Variants in DNAH6 observed in about 807,000 individuals in gnomAD.
DNAH6 encodes the protein dynein axonemal heavy chain 6.
A neutral mutation model predicts 491.4 loss-of-function variants in DNAH6; 340 were observed. That is an observed-to-expected ratio of 0.69 (90% CI 0.63 to 0.76). The LOEUF is 0.76. Among genes scored for constraint, DNAH6 ranks in the 30% least tolerant of loss-of-function variants. The probability of loss-of-function intolerance (pLI) is 0.00; values close to 1 mark genes in which losing one functional copy is unlikely to be tolerated. For missense variants in DNAH6, 4,443 were observed against 4,972.2 expected (o/e 0.89, Z 3.20); for synonymous variants, 1,603 against 1,686.1 (o/e 0.95, Z 1.21).
rs1398572115 is a variant in DNAH6 at position 84,817,995 on chromosome 2, A to G, written c.12374-1310A>G. On this transcript the variant is annotated intron_variant, in intron 76 of 76. Transcript: ENST00000389394. ...CCAACATTGGGGATCAAATTTCAAC[A>G]TGAGATTTGGAGGGATCAAACATCC... Among the ~76,000 whole-genome samples the G allele has an allele frequency of 2.0e-5, 3 of 152,226 alleles. No individual in the cohort carries two copies. The East Asian group carries it at 5.8e-4, about 29-fold the overall frequency.
At chr2:84,499,483 A>G in the DNAH6 span, among the ~76,000 whole-genome samples, 1 of 152,228 alleles carries the variant, frequency 6.6e-6, no homozygotes, top group Non-Finnish European at 1.5e-5. Context: ...TATCTATTGT[A>G]AACAGTGCTG....
chr2:84,615,824 G>C (rs926939324), intron 22 of DNAH6, among the ~76,000 whole-genome samples: 1 of 151,848 alleles, frequency 6.6e-6, no homozygotes, highest in Non-Finnish European at 1.5e-5. Context: ...TGTAAAAGGG[G>C]TTGAGTTCTT....
At chr2:84,784,670 A>T in intron 65 of DNAH6, 52 bp from the exon 66 acceptor site, 1 of 1,111,698 alleles carries the variant, frequency 9.0e-7, no homozygotes, top group Non-Finnish European at 1.3e-6. Flanking sequence ...GAAAAGTGCT[A>T]CTACCAACTA....
rs79636466 is a variant in DNAH6 at position 84,686,359 on chromosome 2, A to C, written c.7064-125A>C. 0.013 allele frequency: 7,643 copies of C among 597,612 alleles called. 514 individuals carry two copies. In the African/African-American group the frequency reaches 0.13, roughly 10 times the overall value. 37.0% of individuals were successfully genotyped at this position (597,612 alleles called of 1,614,324 possible). Reference sequence around the variant, plus strand: ...CATGGAGTTAACACAGTATTCTCTCAGTTTTTATGTATATTAATTAAGTCT... The same window carrying C: ...CATGGAGTTAACACAGTATTCTCTCCGTTTTTATGTATATTAATTAAGTCT... On this transcript the variant is annotated intron_variant, in intron 43 of 76. Transcript: ENST00000389394.
chr2:84,716,516 A>G (rs1431727728), intron 58 of DNAH6, among the ~76,000 whole-genome samples: 1 of 152,124 alleles, frequency 6.6e-6, no homozygotes, highest in Non-Finnish European at 1.5e-5. Context: ...GTCACTAATG[A>G]GCTTAAGTCT....
At chr2:84,571,041 G>A (rs1264209986) in intron 11 of DNAH6, among the ~76,000 whole-genome samples, 1 of 152,160 alleles carries the variant, frequency 6.6e-6, no homozygotes, top group Non-Finnish European at 1.5e-5. Flanking sequence ...CCACCGGAAG[G>A]AACCAATTCT....
chr2:84,529,240 G>T, intron 4 of DNAH6, 74 bp downstream of exon 4: 2 of 1,093,014 alleles, frequency 1.8e-6, no homozygotes, highest in South Asian at 1.8e-5. Flanking sequence ...ATAATTGATT[G>T]GATATTAATA....
chr2:84,575,871 A>C (rs1682388248), intron 12 of DNAH6, among the ~76,000 whole-genome samples: 1 of 152,178 alleles, frequency 6.6e-6, no homozygotes, highest in African/African-American at 2.4e-5. Flanking sequence ...GCGACAGTGC[A>C]AGACTCCGTC....
chr2:84,644,133 G>GT (rs1219584712), intron 33 of DNAH6, among the ~76,000 whole-genome samples: 5 of 152,136 alleles, frequency 3.3e-5, no homozygotes, highest in Non-Finnish European at 7.4e-5. Context: ...GGCTTCATAA[G>GT]TGTTTCTCAG....
chr2:84,787,014 A>T (rs1238616782), intron 67 of DNAH6, 150 bp from the exon 68 acceptor site: 2 of 544,476 alleles, frequency 3.7e-6, no homozygotes, highest in Non-Finnish European at 6.2e-6. Context: ...GTTTGGTGAA[A>T]GCCTAGCTGA....
intron 22 of DNAH6, 84 bp from the exon 23 acceptor site, chr2:84,616,802 G>T: frequency 1.7e-6 from 1 of 595,734 alleles, no homozygotes; most frequent in African/African-American, 2.0e-5. Flanking sequence ...TTCATAAATT[G>T]ATTACATTTT....
chr2:84,662,501 A>G (rs2104611561), intron 37 of DNAH6, among the ~76,000 whole-genome samples: 1 of 152,278 alleles, frequency 6.6e-6, no homozygotes, highest in African/African-American at 2.4e-5. Flanking sequence ...ATCCTCACTC[A>G]CTGCTAGCAC....
intron 68 of DNAH6, among the ~76,000 whole-genome samples, chr2:84,796,023 A>G (rs1204364333): frequency 1.3e-5 from 2 of 152,224 alleles, no homozygotes; most frequent in Non-Finnish European, 2.9e-5. Context: ...GCAAAAGAAC[A>G]AAAACAAAAA....
At chr2:84,573,305 C>T (rs1244643911) in intron 11 of DNAH6, among the ~76,000 whole-genome samples, 162 bp from the exon 12 acceptor site, 1 of 152,126 alleles carries the variant, frequency 6.6e-6, no homozygotes, top group African/African-American at 2.4e-5. Flanking sequence ...AATTACTCCT[C>T]GACATCAAGA....
chr2:84,557,574 C>A, intron 10 of DNAH6, among the ~76,000 whole-genome samples, 161 bp from the exon 11 acceptor site: 1 of 132,380 alleles, frequency 7.6e-6, no homozygotes. Context: ...GGCGTGAACC[C>A]GGGAAGCGGA....
intron 37 of DNAH6, among the ~76,000 whole-genome samples, chr2:84,662,213 A>T (rs1447073760): frequency 6.6e-6 from 1 of 152,074 alleles, no homozygotes; most frequent in African/African-American, 2.4e-5. Context: ...AATGCAGAAG[A>T]TGGTTGATTT....
intron 18 of DNAH6, among the ~76,000 whole-genome samples, chr2:84,598,190 T>TCTTTCTC: frequency 7.1e-6 from 1 of 140,814 alleles, no homozygotes; most frequent in Admixed American, 7.3e-5. Context: ...TCTCTTTCTT[T>TCTTTCTC]TCTTTCTTTC....
chr2:84,658,145 TAA>T, intron 35 of DNAH6, 145 bp from the exon 36 acceptor site: 1 of 478,112 alleles, frequency 2.1e-6, no homozygotes. Flanking sequence ...CCTTAAAATT[TAA>T]TTTGTTTAAT....
chr2:84,500,866 G>A, the DNAH6 span, among the ~76,000 whole-genome samples: 1 of 152,132 alleles, frequency 6.6e-6, no homozygotes, highest in African/African-American at 2.4e-5. Context: ...ATTTTTGTAT[G>A]TTGATTTTTG....
Sources: gnomAD v4.1 joint callset for allele counts (sites outside exome capture counted in the v4.1 genomes callset) on GRCh38, gnomAD v4.1.1 for gene constraint, MANE v1.5 for transcripts, NCBI Gene and HGNC (gene_info 2026-07-23, HGNC 2026-07-21) for gene names.